FYB1: variants seen among roughly 807,000 people sequenced by gnomAD.
The protein encoded by FYB1 is FYN-binding protein 1.
A neutral mutation model predicts 94.1 loss-of-function variants in FYB1; 41 were observed. The ratio of observed to expected loss-of-function variants is 0.44; its 90% CI spans 0.34 to 0.57. The LOEUF is 0.57. Ranked by LOEUF, FYB1 falls within the 20% of genes least tolerant of loss-of-function variation. FYB1 has a pLI of 0.02. For missense variants in FYB1, 1,050 were observed against 976.8 expected (o/e 1.07, Z -1.00); for synonymous variants, 367 against 353.2 (o/e 1.04, Z -0.44).
intron 2 of FYB1, among the ~76,000 whole-genome samples, chr5:39,186,284 C>A (rs1001007944): frequency 6.6e-6 from 1 of 152,042 alleles, no homozygotes; most frequent in Non-Finnish European, 1.5e-5. Context: ...ATTAGCTGGG[C>A]GTGGTGGCAC....
intron 12 of FYB1, 49 bp downstream of exon 12, chr5:39,125,949 A>G: frequency 6.4e-7 from 1 of 1,558,432 alleles, no homozygotes; most frequent in Non-Finnish European, 8.8e-7. Context: ...TTGATTCAAT[A>G]CATATTAGTG....
chr5:39,107,612 T>C (rs535109171), intron 18 of FYB1, 147 bp from the exon 19 acceptor site: 77 of 454,454 alleles, frequency 1.7e-4, no homozygotes, highest in African/African-American at 1.3e-3. Context: ...ATGAGTTAAA[T>C]GGAAGATCAT....
At chr5:39,164,741 C>A (rs1212211620) in intron 2 of FYB1, among the ~76,000 whole-genome samples, 2 of 152,100 alleles carry the variant, frequency 1.3e-5, no homozygotes, top group Non-Finnish European at 2.9e-5. Context: ...ATGACATACA[C>A]CCTTTTTAAG....
chr5:39,245,553 G>C (rs1290287096), intron 1 of FYB1, among the ~76,000 whole-genome samples: 2 of 151,890 alleles, frequency 1.3e-5, no homozygotes, highest in East Asian at 3.9e-4. Flanking sequence ...CAAGAGCAGA[G>C]GATTTCTGGG....
rs988259493 is a variant in FYB1, at chr5:39,123,962, A to G, written c.2071+291T>C. ...CATATATCAAGCTTGGACTGAATTG[A>G]GGCTGGGGGATATAGGGAAAATTGG... On this transcript the variant is annotated intron_variant, in intron 13 of 18. Transcript: ENST00000512982. 2.6e-5 allele frequency among the ~76,000 whole-genome samples: 4 copies of G among 152,160 alleles called. No homozygotes were observed. The East Asian group carries it at 7.7e-4, about 29-fold the overall frequency.
At chr5:39,109,332 G>A (rs1036213536) in intron 17 of FYB1, among the ~76,000 whole-genome samples, 10 of 152,070 alleles carry the variant, frequency 6.6e-5, no homozygotes, top group South Asian at 2.1e-4. Context: ...TTAAGTATTC[G>A]CTTCAATAGG....
chr5:39,192,060 T>C (rs1381500959), intron 2 of FYB1, among the ~76,000 whole-genome samples: 1 of 152,236 alleles, frequency 6.6e-6, no homozygotes, highest in Non-Finnish European at 1.5e-5. Flanking sequence ...TAATCATTTA[T>C]AAAAGGGTTT....
intron 16 of FYB1, among the ~76,000 whole-genome samples, chr5:39,111,459 G>A (rs1739072625): frequency 6.6e-6 from 1 of 151,748 alleles, no homozygotes; most frequent in Non-Finnish European, 1.5e-5. Context: ...ATGTATTGAT[G>A]TCATATTGCC....
rs1299329211 is a variant in FYB1, at chr5:39,201,879, T to C, written c.1082A>G (p.Asn361Ser). ...CGTCAGGTCAACATTTGGTGGTCTG[T>C]TGGGTTTTGGTGGAGGTGGACCCAA... ...FTLGPPPPKP[N>S]RPPNVDLTKF... The change falls in exon 2 of 19, where the codon AAC becomes AGC. Residue 361 changes from asparagine to serine, a missense_variant. By Grantham distance (46) the Asn-to-Ser change is conservative (BLOSUM62 1). Transcript: ENST00000512982. 2 of 1,613,856 alleles carry C rather than the reference T, an allele frequency of 1.2e-6. No homozygotes were observed. Among genetic ancestry groups the C allele is most frequent in the East Asian group, 2.2e-5 (1 of 44,892 alleles).
chr5:39,237,710 G>A (rs1751031152), intron 1 of FYB1, among the ~76,000 whole-genome samples: 1 of 152,126 alleles, frequency 6.6e-6, no homozygotes, highest in African/African-American at 2.4e-5. Flanking sequence ...CCCAGTGGGA[G>A]AAATTTGTTT....
rs929718254 is a variant in FYB1 at position 39,218,098 on chromosome 5, T to G, written c.-28+1345A>C. 3.9e-5 allele frequency among the ~76,000 whole-genome samples: 6 copies of G among 152,214 alleles called. 1 individual carries two copies. The highest frequency in any genetic ancestry group is 3.9e-4 in the Admixed American group (6 of 15,284). Reference sequence around the variant, plus strand: ...GGGGGAATTTGAAGCCCAATGGTAGTAAACAAATAATGGACATGACAGTCA... The same window carrying G: ...GGGGGAATTTGAAGCCCAATGGTAGGAAACAAATAATGGACATGACAGTCA... On this transcript the variant is annotated intron_variant, in intron 1 of 18. Transcript: ENST00000512982.
intron 1 of FYB1, among the ~76,000 whole-genome samples, chr5:39,255,304 T>G (rs1751888616): frequency 6.6e-6 from 1 of 152,198 alleles, no homozygotes; most frequent in Non-Finnish European, 1.5e-5. Context: ...TTAAAAAAAT[T>G]TTAAGCATTT....
chr5:39,224,966 T>G (rs1412121317), intron 1 of FYB1, among the ~76,000 whole-genome samples: 1 of 152,184 alleles, frequency 6.6e-6, no homozygotes, highest in Non-Finnish European at 1.5e-5. Context: ...ATAAGGGACT[T>G]GAATACCTTC....
chr5:39,158,345 G>A (rs1743941720), intron 2 of FYB1, among the ~76,000 whole-genome samples: 1 of 152,208 alleles, frequency 6.6e-6, no homozygotes, highest in African/African-American at 2.4e-5. Flanking sequence ...GAGTCAGTGG[G>A]TGCTCAGTGG....
At chr5:39,182,048 T>C (rs1273602221) in intron 2 of FYB1, among the ~76,000 whole-genome samples, 1 of 152,164 alleles carries the variant, frequency 6.6e-6, no homozygotes, top group Admixed American at 6.5e-5. Context: ...AGAAGAATTC[T>C]TCCCAAACAT....
At chr5:39,187,297 T>C (rs771308627) in intron 2 of FYB1, among the ~76,000 whole-genome samples, 1 of 152,142 alleles carries the variant, frequency 6.6e-6, no homozygotes, top group Non-Finnish European at 1.5e-5. Flanking sequence ...AACTTGAGAG[T>C]GTTTTTCTTC....
chr5:39,163,214 T>C (rs968944672), intron 2 of FYB1, among the ~76,000 whole-genome samples: 6 of 152,186 alleles, frequency 3.9e-5, no homozygotes, highest in East Asian at 1.9e-4. Flanking sequence ...TTGTAAACCA[T>C]TGTGAATGGG....
At chr5:39,166,060 A>G (rs994070500) in intron 2 of FYB1, among the ~76,000 whole-genome samples, 15 of 152,238 alleles carry the variant, frequency 9.9e-5, no homozygotes, top group African/African-American at 3.1e-4. Flanking sequence ...GCTTCTAGAG[A>G]AAACAGTATG....
At chr5:39,249,472 A>G (rs1454270430) in intron 1 of FYB1, among the ~76,000 whole-genome samples, 1 of 152,204 alleles carries the variant, frequency 6.6e-6, no homozygotes, top group African/African-American at 2.4e-5. Flanking sequence ...GTTCACAGCC[A>G]TAGTTTGCTG....
Sources: gnomAD v4.1 joint callset for allele counts (sites outside exome capture counted in the v4.1 genomes callset) on GRCh38, gnomAD v4.1.1 for gene constraint, MANE v1.5 for transcripts, NCBI Gene and HGNC (gene_info 2026-07-23, HGNC 2026-07-21) for gene names.